GRIN2A: variants seen among roughly 807,000 people sequenced by gnomAD.
GRIN2A encodes the protein glutamate receptor ionotropic, NMDA 2A.
A neutral mutation model predicts 113.4 loss-of-function variants in GRIN2A; 22 were observed. The observed-to-expected ratio is 0.19, with a 90% CI of 0.14 to 0.28. The LOEUF (loss-of-function observed/expected upper bound fraction) is 0.28, where lower values mean the gene tolerates loss of function less well. Ranked by LOEUF, GRIN2A falls within the 10% of genes least tolerant of loss-of-function variation. GRIN2A has a pLI of 1.00. For synonymous variants in GRIN2A, 827 were observed against 738.4 expected, an observed-to-expected ratio of 1.12 and a Z score of -1.94; for missense variants, 1,502 against 1,887.0, an observed-to-expected ratio of 0.80 and a Z score of 3.78.
At chr16:9,890,127 CT>C (rs2043665278) in intron 4 of GRIN2A, among the ~76,000 whole-genome samples, 1 of 152,126 alleles carries the variant, frequency 6.6e-6, no homozygotes, top group Non-Finnish European at 1.5e-5. Flanking sequence ...ATTTGATGTA[CT>C]AAGTGAAGAT....
chr16:9,863,731 G>C (rs375802116), intron 4 of GRIN2A, among the ~76,000 whole-genome samples: 1 of 152,086 alleles, frequency 6.6e-6, no homozygotes, highest in South Asian at 2.1e-4. Flanking sequence ...TTATGTAAGG[G>C]GCCTTAGAAA....
At chr16:9,766,298 G>A (rs1242217703) in intron 12 of GRIN2A, among the ~76,000 whole-genome samples, 1 of 152,202 alleles carries the variant, frequency 6.6e-6, no homozygotes, top group Non-Finnish European at 1.5e-5. Flanking sequence ...CCATGGTGGG[G>A]ACAAGCTCAC....
chr16:9,868,171 C>G (rs1177944019), intron 4 of GRIN2A, among the ~76,000 whole-genome samples: 1 of 152,104 alleles, frequency 6.6e-6, no homozygotes, highest in Non-Finnish European at 1.5e-5. Flanking sequence ...AGGCCTTCAC[C>G]TCTCACTGGT....
chr16:9,788,026 A>T (rs1902339553), intron 11 of GRIN2A, among the ~76,000 whole-genome samples: 1 of 152,198 alleles, frequency 6.6e-6, no homozygotes, highest in East Asian at 1.9e-4. Flanking sequence ...GGAGCCGAGG[A>T]GAAGCACGGA....
intron 2 of GRIN2A, among the ~76,000 whole-genome samples, chr16:10,006,705 C>G (rs754853502): frequency 6.6e-5 from 10 of 152,114 alleles, no homozygotes; most frequent in Non-Finnish European, 1.3e-4. Context: ...GTTATGCTAT[C>G]AAACACTAGA....
intron 2 of GRIN2A, among the ~76,000 whole-genome samples, chr16:10,045,432 C>G (rs2047241538): frequency 6.6e-6 from 1 of 151,352 alleles, no homozygotes; most frequent in African/African-American, 2.4e-5. Context: ...TTTGCACTGG[C>G]TCCCGAATGT....
intron 2 of GRIN2A, among the ~76,000 whole-genome samples, chr16:10,043,406 C>T (rs769887923): frequency 1.3e-5 from 2 of 152,192 alleles, no homozygotes; most frequent in Non-Finnish European, 2.9e-5. Context: ...GGGATCACAT[C>T]AGCAGCAAGC....
intron 5 of GRIN2A, among the ~76,000 whole-genome samples, chr16:9,849,525 G>A (rs1379991355): frequency 6.6e-6 from 1 of 151,860 alleles, no homozygotes; most frequent in Non-Finnish European, 1.5e-5. Context: ...TATTTACAAT[G>A]GGCAAAACTA....
chr16:9,891,607 T>C (rs8051986), intron 3 of GRIN2A, among the ~76,000 whole-genome samples: 1 of 151,996 alleles, frequency 6.6e-6, no homozygotes, highest in Non-Finnish European at 1.5e-5. Flanking sequence ...GGGAGGATAG[T>C]CATGAATTGA....
At chr16:9,949,668 G>T (rs1160472808) in intron 2 of GRIN2A, among the ~76,000 whole-genome samples, 1 of 150,852 alleles carries the variant, frequency 6.6e-6, no homozygotes, top group Non-Finnish European at 1.5e-5. Context: ...CAGATGGATG[G>T]ACAGATGGAT....
chr16:9,799,942 C>G (rs1903254576), intron 10 of GRIN2A, among the ~76,000 whole-genome samples: 1 of 149,340 alleles, frequency 6.7e-6, no homozygotes, highest in Non-Finnish European at 1.5e-5. Flanking sequence ...GGTAATCTCT[C>G]CAAGGGCACA....
intron 11 of GRIN2A, among the ~76,000 whole-genome samples, chr16:9,776,718 C>A (rs1480471360): frequency 6.6e-6 from 1 of 152,034 alleles, no homozygotes; most frequent in African/African-American, 2.4e-5. Context: ...GCTGTGAACA[C>A]CGAGAGGGTA....
chr16:10,116,602 A>G (rs1550959), intron 2 of GRIN2A, among the ~76,000 whole-genome samples: 128,488 of 152,174 alleles, frequency 0.84, 55,012 homozygotes, highest in East Asian at 0.92. Flanking sequence ...GTTTAGTTGG[A>G]AGGTGATCAC....
intron 2 of GRIN2A, among the ~76,000 whole-genome samples, chr16:10,072,803 TTG>T (rs58672317): frequency 0.14 from 21,159 of 152,036 alleles, 1,973 homozygotes; most frequent in African/African-American, 0.26. Flanking sequence ...ATCTGGGTGA[TTG>T]TCTGTGCTCA....
At chr16:9,786,010 A>G (rs372981328) in intron 11 of GRIN2A, among the ~76,000 whole-genome samples, 2 of 152,220 alleles carry the variant, frequency 1.3e-5, no homozygotes, top group South Asian at 2.1e-4. Context: ...GGGGTTGTCA[A>G]TGGCACCCAG....
chr16:9,910,251 G>T (rs1438790381), intron 3 of GRIN2A, among the ~76,000 whole-genome samples: 5 of 151,910 alleles, frequency 3.3e-5, no homozygotes, highest in African/African-American at 1.2e-4. Context: ...TTAGGGGTAG[G>T]GTAATGAGGT....
chr16:9,762,228 A>T lies in GRIN2A; in HGVS notation c.*921T>A. 4.5e-6 allele frequency: 1 copy of T among 223,576 alleles called. No homozygotes were observed. Among genetic ancestry groups the T allele is most frequent in the East Asian group, 6.5e-5 (1 of 15,442 alleles). 13.8% of individuals were successfully genotyped at this position (223,576 alleles called of 1,614,324 possible). On this transcript the variant is annotated 3_prime_UTR_variant, in exon 13 of 13. Transcript: ENST00000330684. ...TACTCTGGGAGGGAAGGGGTAACAG[A>T]TACTATACAACCCTGAGTCATCACC...
chr16:10,055,071 AAAAAAAAAAAAAAAGAAAAAAG>A lies in GRIN2A; in HGVS notation c.415-116542_415-116521del, dbSNP rs1567266366. ...TCAAAAAAAAAAAAAAAAAAAAAAA[AAAAAAAAAAAAAAAGAAAAAAG>A]AAAGAAAGAAAGAAAAAAGAAAAAA... On this transcript the variant is annotated intron_variant, in intron 2 of 12. Coordinates refer to ENST00000330684, the MANE Select transcript of GRIN2A (RefSeq NM_001134407.3). Among the ~76,000 whole-genome samples, 50 of 76,024 alleles carry A rather than the reference AAAAAAAAAAAAAAAGAAAAAAG, an allele frequency of 6.6e-4. 3 individuals carry two copies. Among genetic ancestry groups the A allele is most frequent in the South Asian group, 1.4e-3 (3 of 2,214 alleles). The allele number at this position is 76,024 out of a possible 152,430, so 49.9% of individuals were successfully genotyped here.
intron 2 of GRIN2A, among the ~76,000 whole-genome samples, chr16:10,061,859 C>G (rs982988933): frequency 1.3e-5 from 2 of 152,176 alleles, no homozygotes; most frequent in African/African-American, 4.8e-5. Flanking sequence ...CCTTCATAAA[C>G]AGAACATAAA....
Sources: allele counts gnomAD v4.1 joint callset (sites outside exome capture counted in the v4.1 genomes callset), GRCh38; gene constraint gnomAD v4.1.1; transcripts MANE v1.5; gene names NCBI Gene and HGNC (gene_info 2026-07-23, HGNC 2026-07-21).